Variants in NKAIN2 observed in about 807,000 individuals in gnomAD.
NKAIN2 encodes sodium/potassium-transporting ATPase subunit beta-1-interacting protein 2.
In NKAIN2, 14 loss-of-function variants were observed where a neutral mutation model predicts 32.6. The observed-to-expected ratio is 0.43, with a 90% confidence interval of 0.28 to 0.67. The LOEUF (loss-of-function observed/expected upper bound fraction) is 0.67. Among genes scored for constraint, NKAIN2 ranks in the 30% least tolerant of loss-of-function variants. The pLI, the probability that NKAIN2 is intolerant of heterozygous loss-of-function variation, is 0.17. For synonymous variants in NKAIN2, 80 were observed against 87.2 expected, an observed-to-expected ratio of 0.92 and a Z score of 0.46; for missense variants, 198 against 258.3, an observed-to-expected ratio of 0.77 and a Z score of 1.60.
At chr6:124,713,454 C>G (rs181856045) in intron 4 of NKAIN2, among the ~76,000 whole-genome samples, 2 of 152,096 alleles carry the variant, frequency 1.3e-5, no homozygotes, top group Non-Finnish European at 1.5e-5. Context: ...TATCAGTCAA[C>G]GCTGTGCTAA....
chr6:124,313,578 T>C lies in NKAIN2; in HGVS notation c.192+30436T>C, dbSNP rs138260800. 4.2e-3 allele frequency among the ~76,000 whole-genome samples: 641 copies of C among 152,256 alleles called. 1 individual carries two copies. Among genetic ancestry groups the C allele is most frequent in the African/African-American group, 0.015 (606 of 41,568 alleles). ...ACTACACTTCTGCCCTCTTCCTTGC[T>C]ATTCTGGGATTTCTTCTTCTCCAGT... is the stretch of plus-strand genomic sequence containing the variant. On this transcript the variant is annotated intron_variant, in intron 2 of 6. Transcript: ENST00000368417.
At chr6:124,433,211 T>A (rs1003047000) in intron 3 of NKAIN2, among the ~76,000 whole-genome samples, 2 of 152,150 alleles carry the variant, frequency 1.3e-5, no homozygotes, top group African/African-American at 4.8e-5. Flanking sequence ...CTGGGCCACT[T>A]TTTCCACTTG....
chr6:124,491,388 G>A (rs1370984459), intron 3 of NKAIN2, among the ~76,000 whole-genome samples: 2 of 151,818 alleles, frequency 1.3e-5, no homozygotes, highest in African/African-American at 2.4e-5. Context: ...TTACCTTTGT[G>A]AATTTCAATT....
intron 4 of NKAIN2, among the ~76,000 whole-genome samples, chr6:124,772,181 A>C (rs1365319677): frequency 6.6e-6 from 1 of 152,240 alleles, no homozygotes; most frequent in Non-Finnish European, 1.5e-5. Flanking sequence ...ACACTCTGCC[A>C]GACTGAGGCA....
At chr6:124,710,726 C>T (rs1199791953) in intron 4 of NKAIN2, among the ~76,000 whole-genome samples, 18 of 146,930 alleles carry the variant, frequency 1.2e-4, no homozygotes, top group African/African-American at 4.6e-4. Context: ...ATGTGTGTCT[C>T]TGCACGTGAG....
At chr6:123,977,556 T>C (rs1234721782) in intron 1 of NKAIN2, among the ~76,000 whole-genome samples, 6 of 152,196 alleles carry the variant, frequency 3.9e-5, no homozygotes, top group Non-Finnish European at 5.9e-5. Context: ...AGTTGTGAGA[T>C]ATATCTCATT....
At chr6:124,733,541 T>C (rs917179717) in intron 4 of NKAIN2, among the ~76,000 whole-genome samples, 3 of 151,902 alleles carry the variant, frequency 2.0e-5, no homozygotes, top group African/African-American at 7.2e-5. Context: ...ATGTTAGCAA[T>C]GTTAGCAATT....
intron 1 of NKAIN2, among the ~76,000 whole-genome samples, chr6:124,133,524 A>G (rs1050257197): frequency 2.0e-5 from 3 of 152,158 alleles, no homozygotes; most frequent in Non-Finnish European, 4.4e-5. Context: ...CTTAGCCACA[A>G]CTAGTGCCTA....
intron 4 of NKAIN2, among the ~76,000 whole-genome samples, chr6:124,679,994 A>C: frequency 6.6e-6 from 1 of 152,164 alleles, no homozygotes; most frequent in East Asian, 1.9e-4. Flanking sequence ...TAAATAGATA[A>C]GAAAGCAAGA....
At chr6:124,460,181 C>T (rs1184066129) in intron 3 of NKAIN2, among the ~76,000 whole-genome samples, 1 of 151,680 alleles carries the variant, frequency 6.6e-6, no homozygotes, top group African/African-American at 2.4e-5. Flanking sequence ...TTCTCTTTTT[C>T]ACTCCCTGTC....
chr6:123,883,270 A>G (rs891108796), intron 1 of NKAIN2, among the ~76,000 whole-genome samples: 3 of 151,778 alleles, frequency 2.0e-5, no homozygotes, highest in Non-Finnish European at 2.9e-5. Context: ...TCAGCCTCCC[A>G]AGTAGCTGGG....
chr6:124,330,321 T>C (rs1797603290), intron 2 of NKAIN2, among the ~76,000 whole-genome samples: 1 of 152,186 alleles, frequency 6.6e-6, no homozygotes, highest in African/African-American at 2.4e-5. Context: ...GAGATTTGCA[T>C]ACAAGCAATT....
chr6:124,140,102 T>G (rs1201136759), intron 1 of NKAIN2, among the ~76,000 whole-genome samples: 1 of 152,192 alleles, frequency 6.6e-6, no homozygotes, highest in Non-Finnish European at 1.5e-5. Context: ...CTCTTTAAAC[T>G]GAAACTGGTT....
Position 124,658,380 on chromosome 6 carries a change from C to T in NKAIN2, c.468C>T (p.Val156=), listed in dbSNP as rs1325959341. 3 of 1,614,072 alleles carry T rather than the reference C, an allele frequency of 1.9e-6. No homozygotes were observed. Among genetic ancestry groups the T allele is most frequent in the Non-Finnish European group, 2.5e-6 (3 of 1,180,018 alleles). The change falls in exon 4 of 7, where the codon GTC becomes GTT. Residue 156 remains valine, a synonymous_variant. Coordinates refer to ENST00000368417, the MANE Select transcript of NKAIN2 (RefSeq NM_001040214.3). ...IEVAHSSLQI[V]LALAGFIYAC... The stretch of plus-strand genomic sequence containing the variant: ...TGGCTCATAGTTCCCTCCAGATTGT[C>T]CTCGCAGTAAGTGTTGGCAGCCAAC...
intron 1 of NKAIN2, among the ~76,000 whole-genome samples, chr6:124,137,227 G>A (rs1185211005): frequency 3.3e-5 from 5 of 151,914 alleles, no homozygotes; most frequent in Admixed American, 1.3e-4. Context: ...ACCAAACTGA[G>A]AATTACATTA....
intron 6 of NKAIN2, among the ~76,000 whole-genome samples, chr6:124,821,040 A>T (rs987996199): frequency 2.6e-4 from 39 of 152,184 alleles, no homozygotes; most frequent in African/African-American, 8.9e-4. Flanking sequence ...CATGCCTGTA[A>T]TCCTAGCACT....
intron 1 of NKAIN2, among the ~76,000 whole-genome samples, chr6:123,807,938 CTT>C (rs1157344780): frequency 6.6e-6 from 1 of 152,080 alleles, no homozygotes; most frequent in African/African-American, 2.4e-5. Context: ...ACATTTGAAA[CTT>C]AATTAAGAAT....
intron 3 of NKAIN2, among the ~76,000 whole-genome samples, chr6:124,469,319 A>G (rs929072366): frequency 3.3e-5 from 5 of 152,208 alleles, no homozygotes; most frequent in Admixed American, 6.5e-5. Flanking sequence ...ATAAAATAAG[A>G]TAAAACTCAA....
At chr6:123,959,877 G>C (rs1777762003) in intron 1 of NKAIN2, among the ~76,000 whole-genome samples, 1 of 151,646 alleles carries the variant, frequency 6.6e-6, no homozygotes, top group Admixed American at 6.6e-5. Flanking sequence ...CTAGGCAACA[G>C]TGCAAGTTCT....
Sources: gnomAD v4.1 joint callset for allele counts (sites outside exome capture counted in the v4.1 genomes callset) on GRCh38, gnomAD v4.1.1 for gene constraint, MANE v1.5 for transcripts, NCBI Gene and HGNC (gene_info 2026-07-23, HGNC 2026-07-21) for gene names.